The following SEL1L3 variants were observed in gnomAD, a reference collection of about 807,000 sequenced individuals.
SEL1L3 encodes SEL1L family member 3, also known as protein sel-1 homolog 3.
In SEL1L3, 76 loss-of-function variants were observed where a neutral mutation model predicts 142.8. The observed-to-expected ratio is 0.53, with a 90% CI of 0.44 to 0.64. The LOEUF is 0.64. SEL1L3 is among the 30% of genes least tolerant of loss of function. The pLI, the probability that SEL1L3 is intolerant of heterozygous loss-of-function variation, is 0.00. For missense variants in SEL1L3, 1,262 were observed against 1,381.7 expected, an observed-to-expected ratio of 0.91 and a Z score of 1.37; for synonymous variants, 504 against 519.6, an observed-to-expected ratio of 0.97 and a Z score of 0.41.
chr4:25,733,045 G>A, the SEL1L3 span, among the ~76,000 whole-genome samples: 2 of 149,796 alleles, frequency 1.3e-5, no homozygotes, highest in African/African-American at 2.5e-5. Context: ...TGCGCCTGGC[G>A]AGTCCTCTAA....
At chr4:25,728,214 T>C in the SEL1L3 span, among the ~76,000 whole-genome samples, 1 of 152,188 alleles carries the variant, frequency 6.6e-6, no homozygotes, top group South Asian at 2.1e-4. Context: ...TTTACTGCTC[T>C]GCAAGCTATC....
intron 1 of SEL1L3, among the ~76,000 whole-genome samples, chr4:25,857,960 T>A (rs1262678377): frequency 6.6e-6 from 1 of 152,262 alleles, no homozygotes; most frequent in Non-Finnish European, 1.5e-5. Context: ...AACTAAGCCC[T>A]TCTCCAGGTA....
At chr4:25,835,626 C>T (rs1416802878) in intron 2 of SEL1L3, among the ~76,000 whole-genome samples, 1 of 152,252 alleles carries the variant, frequency 6.6e-6, no homozygotes, top group Non-Finnish European at 1.5e-5. Flanking sequence ...AATTCAGGTT[C>T]TGAACTCAGG....
Position 25,847,322 on chromosome 4 carries a change from G to A in SEL1L3, c.705C>T (p.Asn235=), listed in dbSNP as rs765987191. ...TTTCCAGAGGACACTGTGGAATCCT[G>A]TTTGCCCGAAGGTTCCAAATATAAC... ...NMGYIWNLRA[N]RIPQCPLEND... is the part of the protein sequence containing the mutation. Residue 235 remains asparagine, a synonymous_variant, in exon 2 of 24, where the codon AAC becomes AAT. Coordinates refer to ENST00000399878, the MANE Select transcript of SEL1L3 (RefSeq NM_015187.5). 1 of 1,613,716 alleles carries A rather than the reference G, an allele frequency of 6.2e-7. No homozygotes were observed. Among genetic ancestry groups the A allele is most frequent in the Non-Finnish European group, 8.5e-7 (1 of 1,179,758 alleles).
chr4:25,859,354 G>T (rs1456046974), intron 1 of SEL1L3, among the ~76,000 whole-genome samples: 1 of 152,218 alleles, frequency 6.6e-6, no homozygotes, highest in Non-Finnish European at 1.5e-5. Context: ...CATCTTTTCA[G>T]AAATCTGTTT....
At chr4:25,779,291 T>C in intron 15 of SEL1L3, 88 bp from the exon 16 acceptor site, 2 of 1,447,016 alleles carry the variant, frequency 1.4e-6, no homozygotes, top group Non-Finnish European at 1.9e-6. Context: ...AAGCCTGATA[T>C]GATTACAGGC....
At chr4:25,720,226 A>T in the SEL1L3 span, 1 of 152,158 alleles carries the variant, frequency 6.6e-6, no homozygotes, top group Non-Finnish European at 1.5e-5. Flanking sequence ...TGGCAGGGGT[A>T]GTAGTAGAGT....
chr4:25,734,444 A>T, the SEL1L3 span, among the ~76,000 whole-genome samples: 1 of 152,224 alleles, frequency 6.6e-6, no homozygotes, highest in Admixed American at 6.5e-5. Context: ...CTGTTAATAC[A>T]ATTAATTATA....
At chr4:25,802,863 CT>C (rs887101146) in intron 10 of SEL1L3, among the ~76,000 whole-genome samples, 1 of 152,012 alleles carries the variant, frequency 6.6e-6, no homozygotes, top group African/African-American at 2.4e-5. Context: ...TTTAACTTGC[CT>C]TTTTAAAAAA....
At chr4:25,852,473 G>A (rs1001128492) in intron 1 of SEL1L3, among the ~76,000 whole-genome samples, 4 of 152,104 alleles carry the variant, frequency 2.6e-5, no homozygotes, top group Non-Finnish European at 5.9e-5. Flanking sequence ...CCAAGATGTC[G>A]CCCCCATTCT....
chr4:25,806,950 A>G (rs1268013323), intron 9 of SEL1L3, among the ~76,000 whole-genome samples: 1 of 152,184 alleles, frequency 6.6e-6, no homozygotes, highest in Non-Finnish European at 1.5e-5. Context: ...AAGATTAAAA[A>G]CTATTAAAAG....
Position 25,784,936 on chromosome 4 carries a change from A to G in SEL1L3, c.2218-646T>C, listed in dbSNP as rs555162480. Among the ~76,000 whole-genome samples the G allele has an allele frequency of 1.4e-4, 21 of 152,374 alleles. 1 individual carries two copies. In the South Asian group the frequency reaches 3.9e-3, roughly 29 times the overall value. ...ATAAGAGAGAAACTCTGTGGAACAC[A>G]CTGAAATGTCTGGAGGACAACTGGG... On this transcript the variant is annotated intron_variant, in intron 13 of 23. Coordinates refer to ENST00000399878, the MANE Select transcript of SEL1L3 (RefSeq NM_015187.5).
At chr4:25,860,094 C>T (rs958032444) in intron 1 of SEL1L3, among the ~76,000 whole-genome samples, 17 of 152,230 alleles carry the variant, frequency 1.1e-4, no homozygotes, top group Non-Finnish European at 2.2e-4. Context: ...ACTAACTTAA[C>T]CTCTCTGAGT....
chr4:25,858,873 C>T (rs1397066747), intron 1 of SEL1L3, among the ~76,000 whole-genome samples: 3 of 152,264 alleles, frequency 2.0e-5, no homozygotes, highest in Non-Finnish European at 4.4e-5. Context: ...CGTAAGACAC[C>T]GCGCCCAGCC....
chr4:25,854,265 C>A (rs934142511), intron 1 of SEL1L3, among the ~76,000 whole-genome samples: 2 of 152,158 alleles, frequency 1.3e-5, no homozygotes, highest in South Asian at 4.1e-4. Context: ...AGTTTGCGAA[C>A]TGCTTTTCTA....
the SEL1L3 span, among the ~76,000 whole-genome samples, chr4:25,724,439 G>C: frequency 0.37 from 55,946 of 151,366 alleles, 11,040 homozygotes; most frequent in South Asian, 0.46. Flanking sequence ...GAAAAGACAA[G>C]GTAAAAGAAA....
intron 21 of SEL1L3, among the ~76,000 whole-genome samples, chr4:25,758,627 A>T (rs1399362493): frequency 6.6e-6 from 1 of 151,910 alleles, no homozygotes; most frequent in African/African-American, 2.4e-5. Context: ...GTCTGGCTGA[A>T]TGTTTTCTAG....
At chr4:25,714,377 C>T in the SEL1L3 span, among the ~76,000 whole-genome samples, 1 of 152,156 alleles carries the variant, frequency 6.6e-6, no homozygotes, top group African/African-American at 2.4e-5. Context: ...TTGCAAATTT[C>T]ATCATCTCCA....
chr4:25,745,825 C>T (rs759951132), downstream of SEL1L3, among the ~76,000 whole-genome samples: 1 of 152,252 alleles, frequency 6.6e-6, no homozygotes, highest in Non-Finnish European at 1.5e-5. Context: ...ATCCCAGCAG[C>T]TTAGGGCAAT....
Sources: allele counts gnomAD v4.1 joint callset (sites outside exome capture counted in the v4.1 genomes callset), GRCh38; gene constraint gnomAD v4.1.1; transcripts MANE v1.5; gene names NCBI Gene and HGNC (gene_info 2026-07-23, HGNC 2026-07-21).